The following ARHGAP28 variants were observed in gnomAD, a reference collection of about 807,000 sequenced individuals.
The protein encoded by ARHGAP28 is rho GTPase-activating protein 28.
ARHGAP28 carries 56 observed loss-of-function variants against 90.7 expected under a neutral mutation model. That is an observed-to-expected ratio of 0.62 (90% CI 0.50 to 0.77). ARHGAP28 has a LOEUF of 0.77. ARHGAP28 is among the 30% of genes least tolerant of loss of function. The probability of loss-of-function intolerance (pLI) is 0.00; values close to 1 mark genes in which losing one functional copy is unlikely to be tolerated. For synonymous variants in ARHGAP28, 308 were observed against 323.3 expected (o/e 0.95, Z 0.51); for missense variants, 869 against 900.9 (o/e 0.96, Z 0.45).
intron 3 of ARHGAP28, among the ~76,000 whole-genome samples, chr18:6,845,411 A>AT (rs548591959): frequency 3.3e-5 from 5 of 152,004 alleles, no homozygotes; most frequent in Non-Finnish European, 7.4e-5. Flanking sequence ...TTAGAATTGC[A>AT]TTTTTTTCTT....
chr18:6,900,619 A>G (rs892468859), intron 16 of ARHGAP28, among the ~76,000 whole-genome samples: 1 of 152,168 alleles, frequency 6.6e-6, no homozygotes, highest in African/African-American at 2.4e-5. Flanking sequence ...GATTATGAAC[A>G]ACAGAGAGGA....
At chr18:6,900,320 G>A (rs939620391) in intron 16 of ARHGAP28, among the ~76,000 whole-genome samples, 3 of 151,928 alleles carry the variant, frequency 2.0e-5, no homozygotes, top group Non-Finnish European at 2.9e-5. Context: ...AACAAACCAC[G>A]AAGTCAACAC....
rs116103035 is a variant in ARHGAP28 at position 6,754,167 on chromosome 18, C to T, written c.122+24224C>T. On this transcript the variant is annotated intron_variant, in intron 1 of 17. Coordinates refer to ENST00000383472, the MANE Select transcript of ARHGAP28 (RefSeq NM_001366230.1). ...CCATGTGACTCTGCAGCTGTAATTACTTTCCTTAAATCTTTAGTGATATTT... is the reference window on the plus strand; with the variant it reads ...CCATGTGACTCTGCAGCTGTAATTATTTTCCTTAAATCTTTAGTGATATTT... 4.8e-3 allele frequency among the ~76,000 whole-genome samples: 731 copies of T among 152,256 alleles called. 5 individuals carry two copies. The highest frequency in any genetic ancestry group is 0.015 in the African/African-American group (606 of 41,560).
At position 6,841,182 on chromosome 18, in the gene ARHGAP28, T is replaced by TCTCTCTCTCTCTCTCTCTC. The variant is rs1567966584; in HGVS notation, c.543+3769_543+3787dup. Reference sequence around the variant, plus strand: ...TTCTCTCTCTCCTCTCTCTCTCTCCTCTCTCTCTCTCTCTCTCTCTCCTCT... The same window carrying TCTCTCTCTCTCTCTCTCTC: ...TTCTCTCTCTCCTCTCTCTCTCTCCTCTCTCTCTCTCTCTCTCTCCTCTCTCTCTCTCTCTCTCTCCTCT... On this transcript the variant is annotated intron_variant, in intron 3 of 17. Coordinates refer to ENST00000383472, the MANE Select transcript of ARHGAP28 (RefSeq NM_001366230.1). Among the ~76,000 whole-genome samples, 8 of 44,232 alleles carry TCTCTCTCTCTCTCTCTCTC rather than the reference T, an allele frequency of 1.8e-4. No homozygotes were observed. In the East Asian group the frequency reaches 3.3e-3, roughly 18 times the overall value. 29.0% of individuals were successfully genotyped at this position (44,232 alleles called of 152,430 possible).
At chr18:6,761,285 C>T (rs1369287712) in intron 1 of ARHGAP28, among the ~76,000 whole-genome samples, 10 of 152,070 alleles carry the variant, frequency 6.6e-5, no homozygotes, top group African/African-American at 1.4e-4. Flanking sequence ...ACTCATTAGG[C>T]AATCCACTTA....
At chr18:6,768,762 C>T (rs2056219877) in intron 1 of ARHGAP28, among the ~76,000 whole-genome samples, 1 of 152,142 alleles carries the variant, frequency 6.6e-6, no homozygotes. Flanking sequence ...GAACTCTGTT[C>T]CATGTCCCCT....
chr18:6,887,106 G>C, intron 11 of ARHGAP28, 51 bp from the exon 12 acceptor site: 1 of 1,502,742 alleles, frequency 6.7e-7, no homozygotes, highest in East Asian at 2.3e-5. Context: ...AATGCTGTCA[G>C]GATGCATCAG....
intron 5 of ARHGAP28, among the ~76,000 whole-genome samples, chr18:6,861,155 G>A (rs543141941): frequency 1.7e-4 from 26 of 152,306 alleles, no homozygotes; most frequent in African/African-American, 5.8e-4. Context: ...GACTTGCCCA[G>A]GATCCTTTAT....
At chr18:6,752,506 C>A (rs1056940080) in intron 1 of ARHGAP28, among the ~76,000 whole-genome samples, 24 of 152,220 alleles carry the variant, frequency 1.6e-4, no homozygotes, top group African/African-American at 5.5e-4. Flanking sequence ...AACTTGGTCT[C>A]TCACAATCTT....
At chr18:6,836,815 T>A (rs554294974) in intron 2 of ARHGAP28, among the ~76,000 whole-genome samples, 1 of 152,312 alleles carries the variant, frequency 6.6e-6, no homozygotes, top group East Asian at 1.9e-4. Flanking sequence ...GCCCTGGCAT[T>A]TGAACCTCCA....
At chr18:6,863,232 TAAGGA>T (rs2057011864) in intron 5 of ARHGAP28, among the ~76,000 whole-genome samples, 1 of 152,038 alleles carries the variant, frequency 6.6e-6, no homozygotes, top group African/African-American at 2.4e-5. Context: ...GTTTCATCAT[TAAGGA>T]GAGTATTTAT....
chr18:6,879,855 T>C (rs2057163611), intron 10 of ARHGAP28, among the ~76,000 whole-genome samples: 1 of 152,148 alleles, frequency 6.6e-6, no homozygotes, highest in Admixed American at 6.5e-5. Flanking sequence ...ATTGAGAAGC[T>C]TGAAGCACAG....
At chr18:6,839,901 C>T (rs556208616) in intron 3 of ARHGAP28, among the ~76,000 whole-genome samples, 1 of 152,336 alleles carries the variant, frequency 6.6e-6, no homozygotes, top group African/African-American at 2.4e-5. Flanking sequence ...CGAAATTCAT[C>T]TTTCTAATGG....
rs144213417 is a variant in ARHGAP28 at position 6,890,476 on chromosome 18, C to A, written c.1781C>A (p.Thr594Lys). ...ITQVRRMNEA[T>K]MLLKKQLPSV... ...CAAGTAAGAAGAATGAATGAAGCCACGATGCTATTGAAGAAGCAGCTCCCA... is the reference window on the plus strand; with the variant it reads ...CAAGTAAGAAGAATGAATGAAGCCAAGATGCTATTGAAGAAGCAGCTCCCA... Residue 594 changes from threonine (T) to lysine (K), a missense_variant, in exon 14 of 18, where the codon ACG becomes AAG. Transcript: ENST00000383472. 1 of 1,613,480 alleles carries A rather than the reference C, an allele frequency of 6.2e-7. No homozygotes were observed. The highest frequency in any genetic ancestry group is 8.5e-7 in the Non-Finnish European group (1 of 1,179,764).
chr18:6,860,105 T>A (rs2056986355), intron 5 of ARHGAP28, among the ~76,000 whole-genome samples: 2 of 152,222 alleles, frequency 1.3e-5, no homozygotes, highest in Non-Finnish European at 2.9e-5. Flanking sequence ...CTCCATGGAT[T>A]CATGTCACTG....
At chr18:6,888,061 A>G (rs1226437986) in intron 12 of ARHGAP28, among the ~76,000 whole-genome samples, 3 of 152,220 alleles carry the variant, frequency 2.0e-5, no homozygotes, top group Non-Finnish European at 4.4e-5. Flanking sequence ...TAGTTCTAGA[A>G]TTTCAGAATT....
chr18:6,753,554 C>T (rs1369495026), intron 1 of ARHGAP28, among the ~76,000 whole-genome samples: 5 of 152,160 alleles, frequency 3.3e-5, no homozygotes, highest in Non-Finnish European at 7.3e-5. Flanking sequence ...CTTTGAAGAA[C>T]ATAATATATA....
rs1287545861 is a variant in ARHGAP28 at position 6,873,513 on chromosome 18, C to T, written c.1059C>T (p.Ala353=). 8 of 1,614,040 alleles carry T rather than the reference C, an allele frequency of 5.0e-6. No homozygotes were observed. The highest frequency in any genetic ancestry group is 6.8e-6 in the Non-Finnish European group (8 of 1,180,034). ...IRHLSLIELT[A]FFDAFGIQLK... is the part of the protein sequence containing the mutation. The stretch of plus-strand genomic sequence containing the variant: ...ATCTCTCTCTGATTGAATTGACTGC[C>T]TTTTTTGATGCCTTTGGAATTCAAC... Residue 353 remains alanine (A), a synonymous_variant, in exon 8 of 18, where the codon GCC becomes GCT. Coordinates refer to ENST00000383472, the MANE Select transcript of ARHGAP28 (RefSeq NM_001366230.1).
intron 1 of ARHGAP28, among the ~76,000 whole-genome samples, chr18:6,816,637 C>T (rs138090484): frequency 1.3e-5 from 2 of 152,146 alleles, no homozygotes; most frequent in Non-Finnish European, 2.9e-5. Context: ...TCCCAAAACT[C>T]ATGGAATCTG....
Sources: allele counts gnomAD v4.1 joint callset (sites outside exome capture counted in the v4.1 genomes callset), GRCh38; gene constraint gnomAD v4.1.1; transcripts MANE v1.5; gene names NCBI Gene and HGNC (gene_info 2026-07-23, HGNC 2026-07-21).